FYB1: variants seen among roughly 807,000 people sequenced by gnomAD.
FYB1 encodes FYN-binding protein 1.
FYB1 carries 41 observed loss-of-function variants against 94.1 expected under a neutral mutation model. That is an observed-to-expected ratio of 0.44 (90% CI 0.34 to 0.57). FYB1 has a LOEUF of 0.57. Ranked by LOEUF, FYB1 falls within the 20% of genes least tolerant of loss-of-function variation. The pLI is 0.02. For missense variants in FYB1, 1,050 were observed against 976.8 expected, an observed-to-expected ratio of 1.07 and a Z score of -1.00; for synonymous variants, 367 against 353.2, an observed-to-expected ratio of 1.04 and a Z score of -0.44.
chr5:39,228,147 C>T (rs558605545), intron 1 of FYB1, among the ~76,000 whole-genome samples: 44 of 152,158 alleles, frequency 2.9e-4, no homozygotes, highest in Admixed American at 2.6e-3. Context: ...GGGTCCTGGC[C>T]ATACAAATCA....
rs555654964 is a variant in FYB1 at position 39,181,216 on chromosome 5, A to C, written c.1135+20610T>G. Reference sequence around the variant, plus strand: ...GTGAGAATTGAGGTAGCAGCAGATCATTATATCAGTGCTGTCCAAAAGAAT... The same window carrying C: ...GTGAGAATTGAGGTAGCAGCAGATCCTTATATCAGTGCTGTCCAAAAGAAT... On this transcript the variant is annotated intron_variant, in intron 2 of 18. Coordinates refer to ENST00000512982, the MANE Select transcript of FYB1 (RefSeq NM_001465.6). Among the ~76,000 whole-genome samples, 96 of 152,316 alleles carry C rather than the reference A, an allele frequency of 6.3e-4. 1 individual carries two copies. The highest frequency in any genetic ancestry group is 2.2e-3 in the African/African-American group (91 of 41,564).
chr5:39,273,299 G>A (rs1752715673), intron 1 of FYB1, among the ~76,000 whole-genome samples: 1 of 152,064 alleles, frequency 6.6e-6, no homozygotes, highest in Non-Finnish European at 1.5e-5. Context: ...TCTGTACTAA[G>A]AAAAATTCTT....
chr5:39,204,625 A>G (rs190837537), intron 1 of FYB1, among the ~76,000 whole-genome samples: 4 of 152,226 alleles, frequency 2.6e-5, no homozygotes, highest in African/African-American at 9.6e-5. Flanking sequence ...TTCTTTTTGT[A>G]TCCCTGCATC....
chr5:39,258,058 G>T (rs957123465), intron 1 of FYB1, among the ~76,000 whole-genome samples: 2 of 152,262 alleles, frequency 1.3e-5, no homozygotes, highest in East Asian at 3.9e-4. Flanking sequence ...TTATTTAGCA[G>T]GTATTGGGTG....
At chr5:39,232,912 G>A (rs1750809931) in intron 1 of FYB1, among the ~76,000 whole-genome samples, 1 of 151,976 alleles carries the variant, frequency 6.6e-6, no homozygotes, top group African/African-American at 2.4e-5. Flanking sequence ...ATTTTTTATG[G>A]CTGCATAGTA....
chr5:39,243,165 T>C (rs1421882544), intron 1 of FYB1, among the ~76,000 whole-genome samples: 2 of 152,048 alleles, frequency 1.3e-5, no homozygotes, highest in African/African-American at 4.8e-5. Context: ...TTTGTCAATT[T>C]TGGCTTTTGT....
chr5:39,132,172 C>T (rs1741260455), intron 9 of FYB1, among the ~76,000 whole-genome samples: 3 of 152,202 alleles, frequency 2.0e-5, no homozygotes, highest in Non-Finnish European at 4.4e-5. Context: ...GAAGCACTCA[C>T]AGCCATTGCT....
intron 2 of FYB1, among the ~76,000 whole-genome samples, chr5:39,194,465 G>T (rs1747649188): frequency 6.6e-6 from 1 of 152,108 alleles, no homozygotes; most frequent in Non-Finnish European, 1.5e-5. Context: ...CAAGGCTGCA[G>T]TGAGCTGTGA....
chr5:39,160,506 C>A (rs1002886476), intron 2 of FYB1, among the ~76,000 whole-genome samples: 1 of 152,214 alleles, frequency 6.6e-6, no homozygotes, highest in African/African-American at 2.4e-5. Context: ...CCAGATTCTT[C>A]ACTCCAAAAC....
chr5:39,112,978 G>T (rs560188773), intron 16 of FYB1, among the ~76,000 whole-genome samples: 3 of 152,162 alleles, frequency 2.0e-5, no homozygotes, highest in African/African-American at 7.2e-5. Flanking sequence ...GTGATAACAC[G>T]GGGCTTGTTA....
At chr5:39,228,979 G>T (rs1158756208) in intron 1 of FYB1, among the ~76,000 whole-genome samples, 1 of 152,022 alleles carries the variant, frequency 6.6e-6, no homozygotes, top group African/African-American at 2.4e-5. Context: ...TGTAATGCAT[G>T]GAAATAAAAT....
At chr5:39,133,771 G>A (rs965182550) in intron 9 of FYB1, among the ~76,000 whole-genome samples, 1 of 151,848 alleles carries the variant, frequency 6.6e-6, no homozygotes, top group African/African-American at 2.4e-5. Context: ...AGCAAACTGG[G>A]GTTGCCATAA....
intron 5 of FYB1, chr5:39,138,930 T>A (rs1741903139): frequency 5.3e-6 from 3 of 562,500 alleles, no homozygotes; most frequent in Non-Finnish European, 9.5e-6. Flanking sequence ...TTTAAAATAT[T>A]TTTTTTCTCC....
intron 2 of FYB1, among the ~76,000 whole-genome samples, chr5:39,161,808 T>C (rs899631468): frequency 2.4e-4 from 37 of 152,158 alleles, no homozygotes; most frequent in Admixed American, 2.4e-3. Context: ...ACACATCACC[T>C]CAAAAATAAA....
At chr5:39,266,627 T>C (rs894411298) in intron 1 of FYB1, among the ~76,000 whole-genome samples, 4 of 152,122 alleles carry the variant, frequency 2.6e-5, no homozygotes, top group Non-Finnish European at 5.9e-5. Flanking sequence ...GAGGTGGGGA[T>C]TGGTCACAGT....
chr5:39,124,125 G>T, intron 13 of FYB1, 128 bp downstream of exon 13: 1 of 665,716 alleles, frequency 1.5e-6, no homozygotes, highest in Non-Finnish European at 2.5e-6. Context: ...AAAGTTACTT[G>T]CTCAAGGCTA....
Position 39,262,829 on chromosome 5 carries a change from A to C in FYB1, c.-28+11574T>G, listed in dbSNP as rs60669646. 3.3e-3 allele frequency among the ~76,000 whole-genome samples: 506 copies of C among 152,284 alleles called. 2 individuals carry two copies. Among genetic ancestry groups the C allele is most frequent in the African/African-American group, 0.011 (465 of 41,570 alleles). On this transcript the variant is annotated intron_variant, in intron 1 of 1. Coordinates refer to the FYB1 transcript ENST00000510188. ...TCATGAAAAAAAATCTGGGCAAAACAATACTATATGTTTGGAGATATTATA... is the reference window on the plus strand; with the variant it reads ...TCATGAAAAAAAATCTGGGCAAAACCATACTATATGTTTGGAGATATTATA...
chr5:39,118,161 C>G (rs971508405), intron 16 of FYB1, among the ~76,000 whole-genome samples: 1 of 152,108 alleles, frequency 6.6e-6, no homozygotes, highest in Non-Finnish European at 1.5e-5. Flanking sequence ...GCCTCAGCCC[C>G]GCAAAGTGCT....
intron 7 of FYB1, among the ~76,000 whole-genome samples, chr5:39,135,802 T>A (rs2150319669): frequency 6.6e-6 from 1 of 152,324 alleles, no homozygotes; most frequent in Admixed American, 6.5e-5. Flanking sequence ...ATGATGCTGA[T>A]GAGGCTCAGT....
Sources: allele counts gnomAD v4.1 joint callset (sites outside exome capture counted in the v4.1 genomes callset), GRCh38; gene constraint gnomAD v4.1.1; transcripts MANE v1.5; gene names NCBI Gene and HGNC (gene_info 2026-07-23, HGNC 2026-07-21).